Variants in GPR137B observed in about 807,000 individuals in gnomAD.
GPR137B encodes the protein G protein-coupled receptor 137B.
In GPR137B, 42 loss-of-function variants were observed where a neutral mutation model predicts 42.5. That is an observed-to-expected ratio of 0.99 (90% CI 0.77 to 1.28). The LOEUF is 1.28. Among genes scored for constraint, GPR137B ranks in the 50% most tolerant of loss-of-function variants. The pLI, the probability that GPR137B is intolerant of heterozygous loss-of-function variation, is 0.00. For synonymous variants in GPR137B, 218 were observed against 209.7 expected, an observed-to-expected ratio of 1.04 and a Z score of -0.34; for missense variants, 487 against 493.9, an observed-to-expected ratio of 0.99 and a Z score of 0.13.
intron 2 of GPR137B, among the ~76,000 whole-genome samples, chr1:236,173,168 G>T (rs1379758149): frequency 6.6e-6 from 1 of 151,570 alleles, no homozygotes; most frequent in Admixed American, 6.6e-5. Context: ...GTGCGCGCCT[G>T]TATTCCCAGC....
rs1662757992 is a variant in GPR137B at position 236,178,500 on chromosome 1, A to T, written c.551A>T (p.Asn184Ile). ...TGTGCTGTGCTGGTAAAGACGGGAA[A>T]TTGGGAGAGGAAGGTTATCGTCTCT... ...LTCAVLVKTGNWERKVIVSVR... is the reference protein window; with the variant it reads ...LTCAVLVKTGIWERKVIVSVR... Residue 184 changes from asparagine to isoleucine, a missense_variant, in exon 3 of 7, where the codon AAT (asparagine) becomes ATT (isoleucine). Asn to Ile is a moderately radical substitution (Grantham distance 149). Coordinates refer to ENST00000366592, the MANE Select transcript of GPR137B (RefSeq NM_003272.4). 6.2e-7 allele frequency: 1 copy of T among 1,613,582 alleles called. No homozygotes were observed.
At chr1:236,147,934 T>C (rs962620315) in intron 1 of GPR137B, among the ~76,000 whole-genome samples, 3 of 152,246 alleles carry the variant, frequency 2.0e-5, no homozygotes, top group Non-Finnish European at 4.4e-5. Context: ...GCCGTCTGTA[T>C]GCAGTGTCTG....
At position 236,152,494 on chromosome 1, in the gene GPR137B, A is replaced by G. The variant is rs1020367797; in HGVS notation, c.414+9458A>G. The stretch of plus-strand genomic sequence containing the variant: ...GTATTGGGGCTGGACACAGTGGCTT[A>G]TGCCTGTAATCCCAGCACTTTGGGA... On this transcript the variant is annotated intron_variant, in intron 1 of 6. Transcript: ENST00000366592. 2.0e-5 allele frequency among the ~76,000 whole-genome samples: 3 copies of G among 152,276 alleles called. No individual in the cohort carries two copies. The East Asian group carries it at 5.8e-4, about 29-fold the overall frequency.
intron 1 of GPR137B, among the ~76,000 whole-genome samples, chr1:236,148,688 G>A (rs995257786): frequency 2.6e-5 from 4 of 152,182 alleles, no homozygotes; most frequent in African/African-American, 7.2e-5. Context: ...GCTGCAGCAG[G>A]GATGGTTCGT....
rs1662526308 is a variant in GPR137B at position 236,171,157 on chromosome 1, G to C, written c.464+2402G>C. ...CATAAAACAGTTGTAACTGTGTTTTGACTGCAATCCATCACATGAAGTCAG... is the reference window on the plus strand; with the variant it reads ...CATAAAACAGTTGTAACTGTGTTTTCACTGCAATCCATCACATGAAGTCAG... On this transcript the variant is annotated intron_variant, in intron 2 of 6. Coordinates refer to ENST00000366592, the MANE Select transcript of GPR137B (RefSeq NM_003272.4). The surrounding 1 kb of genome is among the most constrained non-coding windows in gnomAD (Gnocchi z 4.4). Among the ~76,000 whole-genome samples the C allele has an allele frequency of 6.6e-6, 1 of 152,132 alleles. No individual in the cohort carries two copies. Among genetic ancestry groups the C allele is most frequent in the South Asian group, 2.1e-4 (1 of 4,824 alleles).
intron 1 of GPR137B, among the ~76,000 whole-genome samples, chr1:236,145,983 G>A (rs1315787252): frequency 1.3e-5 from 2 of 152,142 alleles, no homozygotes; most frequent in East Asian, 3.9e-4. Context: ...TCAGCCTCCC[G>A]AGTATCTGGG....
At chr1:236,175,521 A>G (rs1162409129) in intron 2 of GPR137B, among the ~76,000 whole-genome samples, 1 of 152,204 alleles carries the variant, frequency 6.6e-6, no homozygotes, top group African/African-American at 2.4e-5. Flanking sequence ...GGATGTTTCC[A>G]TCTAGCGCTC....
intron 1 of GPR137B, among the ~76,000 whole-genome samples, chr1:236,147,172 CAGG>C (rs1357962067): frequency 7.2e-5 from 11 of 152,228 alleles, no homozygotes; most frequent in Non-Finnish European, 1.3e-4. Context: ...CAAGGCCAGC[CAGG>C]CTTCGAGCTG....
intron 5 of GPR137B, among the ~76,000 whole-genome samples, chr1:236,187,724 T>TACCAGTACCATGCTGTTTTGGG (rs1261588718): frequency 7.3e-6 from 1 of 136,126 alleles, no homozygotes; most frequent in Non-Finnish European, 1.6e-5. Context: ...GCTGTTTTGG[T>TACCAGTACCATGCTGTTTTGGG]TACTGTAGCC....
intron 4 of GPR137B, among the ~76,000 whole-genome samples, chr1:236,182,086 T>G (rs1235419914): frequency 6.6e-6 from 1 of 151,812 alleles, no homozygotes; most frequent in Non-Finnish European, 1.5e-5. Flanking sequence ...TAGAGACGGG[T>G]TTCATCATAT....
chr1:236,201,820 G>A (rs539579528), intron 5 of GPR137B, among the ~76,000 whole-genome samples: 19 of 152,128 alleles, frequency 1.2e-4, no homozygotes, highest in Middle Eastern at 6.8e-3. Context: ...CCTTGTTATA[G>A]AACCTTGTTT....
chr1:236,174,967 G>A (rs1031435343), intron 2 of GPR137B, among the ~76,000 whole-genome samples: 1 of 152,164 alleles, frequency 6.6e-6, no homozygotes, highest in East Asian at 1.9e-4. Context: ...GGCTTGAGAC[G>A]AAAGATGTTT....
At chr1:236,186,765 C>T (rs1418031242) in intron 5 of GPR137B, among the ~76,000 whole-genome samples, 2 of 152,092 alleles carry the variant, frequency 1.3e-5, no homozygotes, top group African/African-American at 4.8e-5. Context: ...GGTTCCAAGT[C>T]TTTGCTCTTG....
chr1:236,199,063 G>GTA (rs777132368), intron 5 of GPR137B, among the ~76,000 whole-genome samples: 20 of 152,222 alleles, frequency 1.3e-4, no homozygotes, highest in South Asian at 6.2e-4. Flanking sequence ...TTATCTTGAT[G>GTA]TATGTCCCTT....
chr1:236,167,469 AAC>A (rs1214128866), intron 1 of GPR137B, among the ~76,000 whole-genome samples: 1 of 149,866 alleles, frequency 6.7e-6, no homozygotes, highest in African/African-American at 2.6e-5. Context: ...AACTCATAGA[AAC>A]AGAGAGTACA....
At chr1:236,166,423 T>C (rs1325837456) in intron 1 of GPR137B, among the ~76,000 whole-genome samples, 1 of 143,700 alleles carries the variant, frequency 7.0e-6, no homozygotes, top group African/African-American at 2.8e-5. Context: ...CTGAGCCATC[T>C]ATTGTGCCGT....
intron 5 of GPR137B, among the ~76,000 whole-genome samples, chr1:236,197,901 A>G (rs1025126967): frequency 6.6e-6 from 1 of 151,994 alleles, no homozygotes; most frequent in Non-Finnish European, 1.5e-5. Flanking sequence ...TTGTATTTTT[A>G]GTAGAGACGA....
At chr1:236,187,644 G>A (rs1210741032) in intron 5 of GPR137B, among the ~76,000 whole-genome samples, 1 of 151,936 alleles carries the variant, frequency 6.6e-6, no homozygotes, top group Non-Finnish European at 1.5e-5. Context: ...GGTTGTACAT[G>A]TGTGGTATTA....
chr1:236,168,423 C>CG (rs1558484461), intron 1 of GPR137B, among the ~76,000 whole-genome samples: 2 of 128,158 alleles, frequency 1.6e-5, no homozygotes, highest in Admixed American at 8.3e-5. Context: ...AATTCTGTCT[C>CG]GAAAAAAAAA....
Sources: gnomAD v4.1 joint callset for allele counts (sites outside exome capture counted in the v4.1 genomes callset) on GRCh38, gnomAD v4.1.1 for gene constraint, Gnocchi (gnomAD v3.1) non-coding constraint, MANE v1.5 for transcripts, NCBI Gene and HGNC (gene_info 2026-07-23, HGNC 2026-07-21) for gene names.